The following EEFSEC variants were observed in gnomAD, a reference collection of about 807,000 sequenced individuals.
EEFSEC encodes selenocysteine-specific elongation factor.
In EEFSEC, 43 loss-of-function variants were observed where a neutral mutation model predicts 42.1. The ratio of observed to expected loss-of-function variants is 1.02; its 90% confidence interval spans 0.80 to 1.32. The LOEUF (loss-of-function observed/expected upper bound fraction) is 1.32. EEFSEC is among the 40% of genes most tolerant of loss of function. The pLI, the probability that EEFSEC is intolerant of heterozygous loss-of-function variation, is 0.00. For missense variants in EEFSEC, 745 were observed against 803.6 expected, an observed-to-expected ratio of 0.93 and a Z score of 0.88; for synonymous variants, 354 against 339.1, an observed-to-expected ratio of 1.04 and a Z score of -0.48.
chr3:128,239,349 A>G, intron 1 of EEFSEC, among the ~76,000 whole-genome samples: 1 of 152,222 alleles, frequency 6.6e-6, no homozygotes. Context: ...TGATACTTGC[A>G]GCAGCTTGCA....
the EEFSEC span, among the ~76,000 whole-genome samples, chr3:128,420,146 C>T: frequency 6.6e-6 from 1 of 152,170 alleles, no homozygotes; most frequent in Non-Finnish European, 1.5e-5. Context: ...AGAAAACAGA[C>T]AGAGAGTCAG....
At chr3:128,367,522 G>C (rs1433343324) in intron 6 of EEFSEC, among the ~76,000 whole-genome samples, 1 of 152,174 alleles carries the variant, frequency 6.6e-6, no homozygotes, top group African/African-American at 2.4e-5. Flanking sequence ...CCTCCGCATC[G>C]AACCAGCCAC....
At chr3:128,234,193 C>T (rs1216544034) in intron 1 of EEFSEC, among the ~76,000 whole-genome samples, 2 of 152,052 alleles carry the variant, frequency 1.3e-5, no homozygotes, top group Non-Finnish European at 2.9e-5. Context: ...GCTGGGATTA[C>T]AGGCACACAC....
intron 1 of EEFSEC, among the ~76,000 whole-genome samples, chr3:128,214,324 T>C (rs1429847462): frequency 6.6e-6 from 1 of 152,222 alleles, no homozygotes; most frequent in Non-Finnish European, 1.5e-5. Context: ...CAGTATTCTG[T>C]TCTTTCAGCT....
At chr3:128,359,736 G>T (rs2067501602) in intron 6 of EEFSEC, among the ~76,000 whole-genome samples, 1 of 152,194 alleles carries the variant, frequency 6.6e-6, no homozygotes, top group Non-Finnish European at 1.5e-5. Flanking sequence ...ATAACTCCAG[G>T]ACTCGAGGTT....
chr3:128,417,217 A>T, the EEFSEC span, among the ~76,000 whole-genome samples: 2 of 152,028 alleles, frequency 1.3e-5, no homozygotes, highest in African/African-American at 4.8e-5. This position sits in a 1 kb window ranked among gnomAD's most constrained non-coding sequence, Gnocchi z 4.3. Context: ...TCTCTGTTGT[A>T]AACCCTCTCG....
At chr3:128,208,535 A>G (rs1287608754) in intron 1 of EEFSEC, among the ~76,000 whole-genome samples, 1 of 152,196 alleles carries the variant, frequency 6.6e-6, no homozygotes, top group Admixed American at 6.5e-5. Context: ...GCCCAAGGCA[A>G]TCTGTTGCCA....
chr3:128,406,841 TATATATATACAC>T (rs1273708191), intron 6 of EEFSEC, among the ~76,000 whole-genome samples: 5 of 151,406 alleles, frequency 3.3e-5, no homozygotes, highest in Admixed American at 6.6e-5. Context: ...CACACAAATA[TATATATATACAC>T]ATATATATAC....
intron 4 of EEFSEC, among the ~76,000 whole-genome samples, chr3:128,284,477 G>T (rs897507706): frequency 2.0e-5 from 3 of 152,038 alleles, no homozygotes; most frequent in Admixed American, 1.3e-4. Flanking sequence ...GGGGCTTCTG[G>T]CACTGTGCAG....
rs755932555 is a variant in EEFSEC at position 128,341,746 on chromosome 3, G to A, written c.1300G>A (p.Asp434Asn). 5 of 1,614,126 alleles carry A rather than the reference G, an allele frequency of 3.1e-6. No individual in the cohort carries two copies. The highest frequency in any genetic ancestry group is 3.3e-5 in the Admixed American group (2 of 60,036). Residue 434 changes from aspartate (D) to asparagine (N), a missense_variant, in exon 5 of 7, where the codon GAT (aspartate) becomes AAT (asparagine). Physicochemically the swap from Asp to Asn is conservative, Grantham distance 23. Transcript: ENST00000254730. ...RLCLVIGSRL[D>N]ADIHTNTCRL... ...GTGCCTGGTGATTGGCTCCAGGCTAGATGCGGACATTCACACCAACACGTG... is the reference window on the plus strand; with the variant it reads ...GTGCCTGGTGATTGGCTCCAGGCTAAATGCGGACATTCACACCAACACGTG...
intron 6 of EEFSEC, among the ~76,000 whole-genome samples, chr3:128,384,546 G>A (rs542035131): frequency 1.3e-5 from 2 of 152,316 alleles, no homozygotes; most frequent in Admixed American, 6.5e-5. Context: ...GCGGGCACCC[G>A]TCTCTCCCAG....
intron 1 of EEFSEC, among the ~76,000 whole-genome samples, chr3:128,165,573 G>A (rs769556605): frequency 5.3e-5 from 8 of 152,188 alleles, no homozygotes; most frequent in Non-Finnish European, 8.8e-5. Flanking sequence ...GAGAGAAGTT[G>A]ACTTTCCCTC....
chr3:128,311,986 C>T (rs543419295), intron 4 of EEFSEC, among the ~76,000 whole-genome samples: 3 of 152,254 alleles, frequency 2.0e-5, no homozygotes, highest in Non-Finnish European at 4.4e-5. Flanking sequence ...GTTGGAATCC[C>T]CAGCACCTAG....
At chr3:128,363,343 A>G (rs1468158061) in intron 6 of EEFSEC, among the ~76,000 whole-genome samples, 2 of 152,258 alleles carry the variant, frequency 1.3e-5, no homozygotes, top group Non-Finnish European at 2.9e-5. Flanking sequence ...CAAAGGTAGC[A>G]AACATCCACA....
chr3:128,192,396 C>T (rs1452654024), intron 1 of EEFSEC, among the ~76,000 whole-genome samples: 1 of 152,176 alleles, frequency 6.6e-6, no homozygotes, highest in Non-Finnish European at 1.5e-5. Context: ...CGCTCTTCTC[C>T]TGCAGATTCA....
chr3:128,311,824 A>C (rs1308016130), intron 4 of EEFSEC, among the ~76,000 whole-genome samples: 1 of 152,184 alleles, frequency 6.6e-6, no homozygotes, highest in East Asian at 1.9e-4. Flanking sequence ...ACTCTTAGAA[A>C]TATTTCAAAA....
chr3:128,320,477 G>A (rs1477867290), intron 4 of EEFSEC, among the ~76,000 whole-genome samples: 1 of 152,190 alleles, frequency 6.6e-6, no homozygotes, highest in African/African-American at 2.4e-5. Context: ...CAATTAGTTA[G>A]GTACATTTTC....
chr3:128,235,442 G>T (rs1454572777), intron 1 of EEFSEC, among the ~76,000 whole-genome samples: 1 of 148,678 alleles, frequency 6.7e-6, no homozygotes, highest in Non-Finnish European at 1.5e-5. Flanking sequence ...AAATCTTAAA[G>T]GTACAAAAAG....
chr3:128,313,519 A>G (rs1387573329), intron 4 of EEFSEC, among the ~76,000 whole-genome samples: 1 of 152,248 alleles, frequency 6.6e-6, no homozygotes, highest in Non-Finnish European at 1.5e-5. Flanking sequence ...TCTGGCAGGT[A>G]GGCCTCCCAC....
Sources: gnomAD v4.1 joint callset for allele counts (sites outside exome capture counted in the v4.1 genomes callset) on GRCh38, gnomAD v4.1.1 for gene constraint, Gnocchi (gnomAD v3.1) non-coding constraint, MANE v1.5 for transcripts, NCBI Gene and HGNC (gene_info 2026-07-23, HGNC 2026-07-21) for gene names.